The following TMEM163 variants were observed in gnomAD, a reference collection of about 807,000 sequenced individuals.
TMEM163 encodes transmembrane protein 163.
A neutral mutation model predicts 29.3 loss-of-function variants in TMEM163; 17 were observed. The ratio of observed to expected loss-of-function variants is 0.58; its 90% CI spans 0.40 to 0.87. TMEM163 has a LOEUF of 0.87. Ranked by LOEUF, TMEM163 falls within the 40% of genes least tolerant of loss-of-function variation. TMEM163 has a pLI of 0.00. For synonymous variants in TMEM163, 157 were observed against 160.6 expected, an observed-to-expected ratio of 0.98 and a Z score of 0.17; for missense variants, 303 against 381.5, an observed-to-expected ratio of 0.79 and a Z score of 1.71.
chr2:134,594,985 C>CA (rs1023079050), intron 2 of TMEM163, among the ~76,000 whole-genome samples: 221 of 151,196 alleles, frequency 1.5e-3, no homozygotes, highest in African/African-American at 4.8e-3. Context: ...AAAACAACAA[C>CA]AAAAAAAGAT....
At chr2:134,594,239 G>A (rs946975388) in intron 2 of TMEM163, among the ~76,000 whole-genome samples, 2 of 151,304 alleles carry the variant, frequency 1.3e-5, no homozygotes, top group Non-Finnish European at 2.9e-5. Flanking sequence ...AGAGACAGGG[G>A]GAGAGAAAGG....
intron 4 of TMEM163, among the ~76,000 whole-genome samples, chr2:134,513,669 G>A (rs566634085): frequency 6.7e-4 from 102 of 152,310 alleles, no homozygotes; most frequent in Non-Finnish European, 1.1e-3. Context: ...TGCAGGGCCT[G>A]ACCTGCATTC....
intron 2 of TMEM163, among the ~76,000 whole-genome samples, chr2:134,630,565 G>A (rs768336875): frequency 1.3e-5 from 2 of 152,086 alleles, no homozygotes; most frequent in African/African-American, 2.4e-5. Flanking sequence ...ACATGGGCCC[G>A]GCCATCTTGA....
At chr2:134,709,508 T>A (rs1452036236) in intron 2 of TMEM163, among the ~76,000 whole-genome samples, 2 of 152,246 alleles carry the variant, frequency 1.3e-5, no homozygotes, top group Non-Finnish European at 2.9e-5. Flanking sequence ...AACTCAGTAA[T>A]ACTGACGTAA....
In TMEM163 at chr2:134,514,390, T is replaced by C. The variant is rs1332772830; in HGVS notation, c.459-11393A>G. On this transcript the variant is annotated intron_variant, in intron 4 of 7. Coordinates refer to ENST00000281924, the MANE Select transcript of TMEM163 (RefSeq NM_030923.5). The stretch of plus-strand genomic sequence containing the variant: ...ACTAACGATACTGATGATCTTTTTT[T>C]TTTTTTTTTTTTTTTTTAAAAAAAG... Among the ~76,000 whole-genome samples the C allele has an allele frequency of 1.1e-4, 15 of 136,664 alleles. No homozygotes were observed. The South Asian group carries it at 3.5e-3, about 32-fold the overall frequency. 89.7% of individuals were successfully genotyped at this position (136,664 alleles called of 152,430 possible).
At chr2:134,461,569 T>G (rs1035587158) in intron 6 of TMEM163, among the ~76,000 whole-genome samples, 1 of 152,110 alleles carries the variant, frequency 6.6e-6, no homozygotes, top group Non-Finnish European at 1.5e-5. Flanking sequence ...CCAGTCCCAA[T>G]AGCAACAAAC....
At chr2:134,501,076 A>T (rs1022639136) in intron 5 of TMEM163, among the ~76,000 whole-genome samples, 1 of 152,220 alleles carries the variant, frequency 6.6e-6, no homozygotes, top group African/African-American at 2.4e-5. Flanking sequence ...GTCACTATAC[A>T]TGATATGTAT....
At chr2:134,639,258 G>A (rs1229114191) in intron 2 of TMEM163, among the ~76,000 whole-genome samples, 1 of 152,214 alleles carries the variant, frequency 6.6e-6, no homozygotes, top group African/African-American at 2.4e-5. Flanking sequence ...AGACTGTTTG[G>A]CATTCGTAAG....
At chr2:134,482,755 G>C (rs1679223323) in intron 5 of TMEM163, among the ~76,000 whole-genome samples, 1 of 152,124 alleles carries the variant, frequency 6.6e-6, no homozygotes, top group African/African-American at 2.4e-5. Context: ...AAGTTACCGT[G>C]GATTCACATT....
At chr2:134,712,976 G>C (rs1423290066) in intron 2 of TMEM163, among the ~76,000 whole-genome samples, 1 of 152,006 alleles carries the variant, frequency 6.6e-6, no homozygotes, top group African/African-American at 2.4e-5. Context: ...ATACTGATGA[G>C]AGCCAAGGCT....
intron 2 of TMEM163, among the ~76,000 whole-genome samples, chr2:134,552,656 C>CTTTTTT (rs35785546): frequency 1.4e-4 from 16 of 113,524 alleles, no homozygotes; most frequent in African/African-American, 1.9e-4. Context: ...TATTTTGATC[C>CTTTTTT]TTTTTTTTTT....
chr2:134,522,155 C>T (rs571890834), intron 4 of TMEM163, among the ~76,000 whole-genome samples: 2 of 152,176 alleles, frequency 1.3e-5, no homozygotes, highest in South Asian at 4.2e-4. Context: ...ATAAGCTCCA[C>T]TGATGGCTCT....
chr2:134,666,521 T>C (rs905953789), intron 2 of TMEM163, among the ~76,000 whole-genome samples: 20 of 152,182 alleles, frequency 1.3e-4, no homozygotes, highest in African/African-American at 3.1e-4. Flanking sequence ...AGCACAGCCA[T>C]GATGTGTGAA....
intron 2 of TMEM163, among the ~76,000 whole-genome samples, chr2:134,620,126 CTTAT>C (rs1682697893): frequency 6.6e-6 from 1 of 151,952 alleles, no homozygotes; most frequent in African/African-American, 2.4e-5. Flanking sequence ...AGCAGGTTTA[CTTAT>C]TTATTTATTT....
At chr2:134,577,817 G>GAA (rs146682931) in intron 2 of TMEM163, among the ~76,000 whole-genome samples, 29 of 152,028 alleles carry the variant, frequency 1.9e-4, no homozygotes, top group African/African-American at 4.3e-4. Context: ...ATGTGGGGGG[G>GAA]AAAAATACAA....
chr2:134,634,355 T>C (rs1206717113), intron 2 of TMEM163, among the ~76,000 whole-genome samples: 1 of 152,022 alleles, frequency 6.6e-6, no homozygotes, highest in African/African-American at 2.4e-5. Flanking sequence ...TTTCTGTCAA[T>C]AAAATGAGGA....
intron 4 of TMEM163, among the ~76,000 whole-genome samples, chr2:134,514,316 T>C (rs1264498637): frequency 2.0e-5 from 3 of 151,952 alleles, no homozygotes; most frequent in African/African-American, 7.3e-5. Flanking sequence ...TGTCAATCTT[T>C]TTGCTACACT....
intron 4 of TMEM163, among the ~76,000 whole-genome samples, chr2:134,531,760 C>T (rs962964608): frequency 3.3e-5 from 5 of 152,144 alleles, no homozygotes; most frequent in African/African-American, 1.2e-4. Context: ...CTTTTTGAAC[C>T]CTGTCATTAT....
chr2:134,670,525 G>A (rs1683971211), intron 2 of TMEM163, among the ~76,000 whole-genome samples: 1 of 152,186 alleles, frequency 6.6e-6, no homozygotes, highest in South Asian at 2.1e-4. Context: ...CTACAGAGCA[G>A]GCTTCTGAAA....
Sources: allele counts gnomAD v4.1 joint callset (sites outside exome capture counted in the v4.1 genomes callset), GRCh38; gene constraint gnomAD v4.1.1; transcripts MANE v1.5; gene names NCBI Gene and HGNC (gene_info 2026-07-23, HGNC 2026-07-21).